Variants in TATDN1 observed in about 807,000 individuals in gnomAD.
TATDN1 encodes deoxyribonuclease TATDN1.
TATDN1 carries 40 observed loss-of-function variants against 46.4 expected under a neutral mutation model. That is an observed-to-expected ratio of 0.86 (90% confidence interval 0.67 to 1.12). The LOEUF is 1.12. Ranked by LOEUF, TATDN1 falls within the 50% of genes most tolerant of loss-of-function variation. TATDN1 has a pLI of 0.00. For synonymous variants in TATDN1, 95 were observed against 105.6 expected, an observed-to-expected ratio of 0.90 and a Z score of 0.62; for missense variants, 326 against 348.4, an observed-to-expected ratio of 0.94 and a Z score of 0.51.
At position 124,508,689 on chromosome 8, in the gene TATDN1, C is replaced by T; in HGVS notation, c.390-1G>A. ...CAGTTCAAACTGTTTTTCAAAATAT[C>T]TGCATAATGCAAAAAAAAAAAATTC... On this transcript the variant is annotated splice_acceptor_variant, in intron 6 of 11. Coordinates refer to ENST00000276692, the MANE Select transcript of TATDN1 (RefSeq NM_032026.4). LOFTEE classifies it high-confidence loss of function. 2.0e-6 allele frequency: 3 copies of T among 1,513,284 alleles called. No homozygotes were observed. Among genetic ancestry groups the T allele is most frequent in the East Asian group, 2.3e-5 (1 of 43,258 alleles). 93.7% of individuals were successfully genotyped at this position (1,513,284 alleles called of 1,614,324 possible). A position where few individuals can be genotyped will look rare whatever the true frequency, so the allele number is the denominator to read the frequency against.
chr8:124,522,979 G>T lies in TATDN1; in HGVS notation c.46C>A (p.Pro16Thr). The change falls in exon 2 of 12, where the codon CCT becomes ACT. Residue 16 changes from proline (P) to threonine (T), a missense_variant. Transcript: ENST00000276692. ...CCCCTATAAATTCCTCTGAACATAG[G>T]GTCAGTCAAGTTGATACCAATATCT... The part of the protein sequence containing the change: ...FIDIGINLTD[P>T]MFRGIYRGVQ... The T allele has an allele frequency of 6.2e-7, 1 of 1,613,042 alleles. No homozygotes were observed. The highest frequency in any genetic ancestry group is 2.2e-5 in the East Asian group (1 of 44,848).
intron 10 of TATDN1, 188 bp from the exon 11 acceptor site, chr8:124,494,147 C>T (rs1448149165): frequency 2.2e-6 from 1 of 455,480 alleles, no homozygotes; most frequent in Non-Finnish European, 3.7e-6. Flanking sequence ...TAAATACCTT[C>T]TAAGACTCAC....
At chr8:124,508,394 G>C in intron 8 of TATDN1, 80 bp downstream of exon 8, 1 of 1,221,516 alleles carries the variant, frequency 8.2e-7, no homozygotes, top group South Asian at 1.4e-5. Flanking sequence ...AGATTTTGGA[G>C]CATTTTGTAC....
intron 1 of TATDN1, among the ~76,000 whole-genome samples, chr8:124,530,142 T>C (rs1011271182): frequency 3.9e-4 from 60 of 151,942 alleles, no homozygotes; most frequent in Middle Eastern, 3.4e-3. Flanking sequence ...GAAGGTCCCA[T>C]GGTAAAGAAT....
chr8:124,500,974 G>T (rs1817914987), intron 9 of TATDN1, among the ~76,000 whole-genome samples: 1 of 152,182 alleles, frequency 6.6e-6, no homozygotes, highest in African/African-American at 2.4e-5. Flanking sequence ...AGTGGAGTAA[G>T]GCAGGGACTG....
intron 3 of TATDN1, 111 bp downstream of exon 3, chr8:124,522,040 T>C (rs1371017853): frequency 7.5e-6 from 5 of 665,698 alleles, no homozygotes; most frequent in Non-Finnish European, 1.1e-5. Context: ...GTAGACAATA[T>C]GTACCCCAAC....
At chr8:124,534,144 T>C (rs1586688967) in intron 1 of TATDN1, among the ~76,000 whole-genome samples, 1 of 21,188 alleles carries the variant, frequency 4.7e-5, no homozygotes, top group Non-Finnish European at 7.0e-5. Context: ...AGACTCCGTC[T>C]CAAAAAAAAA....
rs777277426 is a variant in TATDN1 at position 124,515,702 on chromosome 8, C to A, written c.389+44G>T. 5 of 1,552,856 alleles carry A rather than the reference C, an allele frequency of 3.2e-6. No homozygotes were observed. In the African/African-American group the frequency reaches 6.8e-5, roughly 21 times the overall value. The stretch of plus-strand genomic sequence containing the variant: ...CTGATACAAGATATTTTAAAAATCA[C>A]TCATGATTTTACAATAATTTGTAAA... On this transcript the variant is annotated intron_variant, in intron 6 of 11. Transcript: ENST00000276692.
intron 1 of TATDN1, among the ~76,000 whole-genome samples, chr8:124,532,270 A>G (rs1821033571): frequency 6.6e-6 from 1 of 152,134 alleles, no homozygotes; most frequent in South Asian, 2.1e-4. Flanking sequence ...CATCTAAGAG[A>G]AACAAAACAG....
At chr8:124,530,983 T>A (rs1240883383) in intron 1 of TATDN1, among the ~76,000 whole-genome samples, 3 of 152,088 alleles carry the variant, frequency 2.0e-5, no homozygotes, top group Non-Finnish European at 4.4e-5. Flanking sequence ...GGAGTCAATC[T>A]CTATAACTTA....
intron 1 of TATDN1, among the ~76,000 whole-genome samples, chr8:124,526,417 T>C (rs926424222): frequency 5.9e-5 from 9 of 152,322 alleles, no homozygotes; most frequent in Non-Finnish European, 1.3e-4. Context: ...ACAAATACTG[T>C]ATGAAAACCA....
intron 10 of TATDN1, chr8:124,494,752 C>T (rs1239646571): frequency 6.8e-6 from 1 of 146,926 alleles, no homozygotes; most frequent in African/African-American, 2.6e-5. Context: ...GACTGAGTTT[C>T]GCCCTTGTTG....
At chr8:124,504,073 A>G (rs1186000225) in intron 9 of TATDN1, 198 bp downstream of exon 9, 13 of 769,670 alleles carry the variant, frequency 1.7e-5, no homozygotes, top group Non-Finnish European at 2.4e-5. Flanking sequence ...GTAGTAGTCT[A>G]TAACTTTCGA....
chr8:124,513,159 T>C (rs1017363874), intron 6 of TATDN1, among the ~76,000 whole-genome samples: 1 of 152,176 alleles, frequency 6.6e-6, no homozygotes, highest in Admixed American at 6.6e-5. Flanking sequence ...GTGATCGGCC[T>C]GCCTTGGCCT....
At chr8:124,523,798 G>C (rs1049495812) in intron 1 of TATDN1, among the ~76,000 whole-genome samples, 1 of 152,142 alleles carries the variant, frequency 6.6e-6, no homozygotes, top group Non-Finnish European at 1.5e-5. Context: ...CCGATACTGA[G>C]GGAAGACAGT....
chr8:124,507,863 C>T (rs375211553), intron 8 of TATDN1, among the ~76,000 whole-genome samples: 23 of 150,818 alleles, frequency 1.5e-4, no homozygotes, highest in African/African-American at 4.6e-4. Flanking sequence ...GAATTCTGTA[C>T]GCATTCTTGT....
chr8:124,521,188 G>A (rs937033156), intron 3 of TATDN1, among the ~76,000 whole-genome samples: 5 of 152,082 alleles, frequency 3.3e-5, no homozygotes, highest in Non-Finnish European at 7.3e-5. Flanking sequence ...AATGAAGTAG[G>A]GGCTGGATAC....
At chr8:124,517,198 G>A (rs1563673157) in intron 4 of TATDN1, among the ~76,000 whole-genome samples, 1 of 152,238 alleles carries the variant, frequency 6.6e-6, no homozygotes, top group Non-Finnish European at 1.5e-5. Flanking sequence ...GGGAGGGCAA[G>A]CCGGGCAGAT....
chr8:124,502,193 T>C (rs1195002453), intron 9 of TATDN1, among the ~76,000 whole-genome samples: 1 of 151,632 alleles, frequency 6.6e-6, no homozygotes, highest in African/African-American at 2.4e-5. Flanking sequence ...ACAAAAAAAA[T>C]AGCCAGGTGT....
Sources: gnomAD v4.1 joint callset for allele counts (sites outside exome capture counted in the v4.1 genomes callset) on GRCh38, gnomAD v4.1.1 for gene constraint, MANE v1.5 for transcripts, NCBI Gene and HGNC (gene_info 2026-07-23, HGNC 2026-07-21) for gene names.